The following CADM2 variants were observed in gnomAD, a reference collection of about 807,000 sequenced individuals.
CADM2 encodes immunoglobulin superfamily member 4D.
Under a neutral mutation model 49.8 loss-of-function variants are expected in CADM2, and 12 were observed. The observed-to-expected ratio is 0.24, with a 90% confidence interval of 0.15 to 0.39. CADM2 has a LOEUF of 0.39. Ranked by LOEUF, CADM2 falls within the 10% of genes least tolerant of loss-of-function variation. CADM2 has a pLI of 1.00. For synonymous variants in CADM2, 214 were observed against 175.4 expected (o/e 1.22, Z -1.74); for missense variants, 378 against 492.3 (o/e 0.77, Z 2.20).
chr3:85,321,444 C>T (rs2044610722), intron 1 of CADM2, among the ~76,000 whole-genome samples: 2 of 151,782 alleles, frequency 1.3e-5, no homozygotes, highest in Admixed American at 6.6e-5. Context: ...CTCATCCTCC[C>T]AAAGTGCTGG....
intron 1 of CADM2, among the ~76,000 whole-genome samples, chr3:84,984,374 A>AAAAAC (rs2032419251): frequency 6.8e-6 from 1 of 147,206 alleles, no homozygotes; most frequent in Non-Finnish European, 1.5e-5. Flanking sequence ...AAAAAAAAAA[A>AAAAAC]AAAAAAAAAA....
intron 1 of CADM2, among the ~76,000 whole-genome samples, chr3:85,039,790 C>T (rs1229330505): frequency 2.0e-5 from 3 of 152,150 alleles, no homozygotes; most frequent in African/African-American, 7.2e-5. Flanking sequence ...CCACACTCAA[C>T]ATCAAGAAGC....
chr3:85,011,362 A>G (rs1474930342), intron 1 of CADM2, among the ~76,000 whole-genome samples: 2 of 152,276 alleles, frequency 1.3e-5, no homozygotes, highest in South Asian at 2.1e-4. Context: ...TCCAGCTACA[A>G]TTGGCTTGTA....
intron 1 of CADM2, among the ~76,000 whole-genome samples, chr3:85,126,673 T>C (rs1365227018): frequency 6.6e-6 from 1 of 152,158 alleles, no homozygotes; most frequent in Non-Finnish European, 1.5e-5. Flanking sequence ...GTGTCTTTCT[T>C]TAACTTTTCC....
intron 1 of CADM2, among the ~76,000 whole-genome samples, chr3:85,660,922 A>G (rs2065383115): frequency 1.3e-5 from 2 of 152,080 alleles, no homozygotes; most frequent in Middle Eastern, 3.4e-3. Context: ...TAAAAAAAAA[A>G]AAAACAGAAG....
At position 85,886,132 on chromosome 3, in the gene CADM2, A is replaced by G; in HGVS notation, c.392-58A>G. 3 of 1,598,608 alleles carry G rather than the reference A, an allele frequency of 1.9e-6. No individual in the cohort carries two copies. The Admixed American group carries it at 5.1e-5, about 27-fold the overall frequency. ...AGTTTCATGTGTGAAAGTAATAGAC[A>G]TAATAACAAATCAACCCTGAAGATT... On this transcript the variant is annotated intron_variant, in intron 4 of 9. Coordinates refer to ENST00000383699, the MANE Select transcript of CADM2 (RefSeq NM_001167675.2).
At chr3:85,595,937 A>C (rs1186169026) in intron 1 of CADM2, among the ~76,000 whole-genome samples, 1 of 151,838 alleles carries the variant, frequency 6.6e-6, no homozygotes, top group Non-Finnish European at 1.5e-5. Flanking sequence ...TATGTTGTGC[A>C]TTTTCTGTTA....
intron 1 of CADM2, among the ~76,000 whole-genome samples, chr3:85,321,356 T>C (rs2044608244): frequency 6.6e-6 from 1 of 150,982 alleles, no homozygotes. Flanking sequence ...TATTTATTTT[T>C]GTACTTTTAG....
At chr3:85,046,747 G>A (rs1045491663) in intron 1 of CADM2, among the ~76,000 whole-genome samples, 7 of 151,856 alleles carry the variant, frequency 4.6e-5, no homozygotes, top group Admixed American at 6.6e-5. Flanking sequence ...ATAGACTAAT[G>A]TTTTTAAAAT....
At chr3:85,186,213 G>C (rs1339222937) in intron 1 of CADM2, among the ~76,000 whole-genome samples, 3 of 152,070 alleles carry the variant, frequency 2.0e-5, no homozygotes, top group Non-Finnish European at 4.4e-5. Context: ...TTGCCTTTCA[G>C]GGTGGGAAAT....
At chr3:85,818,002 G>A (rs554559272) in intron 3 of CADM2, among the ~76,000 whole-genome samples, 1 of 152,108 alleles carries the variant, frequency 6.6e-6, no homozygotes, top group South Asian at 2.1e-4. Flanking sequence ...ATCATTTAAG[G>A]TCTTAAGCAG....
chr3:85,817,371 A>G (rs2108162732), intron 3 of CADM2, among the ~76,000 whole-genome samples: 1 of 152,328 alleles, frequency 6.6e-6, no homozygotes, highest in African/African-American at 2.4e-5. Flanking sequence ...AATATATTGC[A>G]TTTGGACTTT....
intron 1 of CADM2, among the ~76,000 whole-genome samples, chr3:85,665,265 G>T (rs2065530934): frequency 6.6e-6 from 1 of 151,688 alleles, no homozygotes; most frequent in Non-Finnish European, 1.5e-5. Context: ...ATACATTTAA[G>T]ATTTTAATTT....
chr3:85,675,240 G>C (rs1422446332), intron 1 of CADM2, among the ~76,000 whole-genome samples: 1 of 151,970 alleles, frequency 6.6e-6, no homozygotes, highest in Admixed American at 6.5e-5. Flanking sequence ...AAGGCTCCAA[G>C]TTTCCATTTT....
intron 1 of CADM2, among the ~76,000 whole-genome samples, chr3:85,410,347 A>C (rs2035598057): frequency 6.6e-6 from 1 of 152,178 alleles, no homozygotes; most frequent in Non-Finnish European, 1.5e-5. Flanking sequence ...ACTATTAGGT[A>C]AATTCACTCT....
chr3:85,713,016 G>A (rs776804438), intron 1 of CADM2, among the ~76,000 whole-genome samples: 28 of 152,156 alleles, frequency 1.8e-4, no homozygotes, highest in South Asian at 1.2e-3. Context: ...TTGAGATGTA[G>A]TCATAGATCT....
intron 3 of CADM2, among the ~76,000 whole-genome samples, chr3:85,806,666 C>T (rs1347797921): frequency 1.3e-5 from 2 of 152,042 alleles, no homozygotes; most frequent in East Asian, 1.9e-4. Flanking sequence ...ACCCAGGAAC[C>T]GGAGGTTGCA....
chr3:85,680,541 C>T (rs910876057), intron 1 of CADM2, among the ~76,000 whole-genome samples: 7 of 152,074 alleles, frequency 4.6e-5, no homozygotes, highest in African/African-American at 1.7e-4. Flanking sequence ...GCTTTATGTG[C>T]TCCATAAGTG....
rs563602654 is a variant in CADM2 at position 85,478,410 on chromosome 3, T to C, written c.62-248112T>C. On this transcript the variant is annotated intron_variant, in intron 1 of 9. Coordinates refer to ENST00000383699, the MANE Select transcript of CADM2 (RefSeq NM_001167675.2). ...TTTTTAAATATTTGAGTAATCTGTCTCTATAGTGTCTCTGAAAACATGAGT... is the reference window on the plus strand; with the variant it reads ...TTTTTAAATATTTGAGTAATCTGTCCCTATAGTGTCTCTGAAAACATGAGT... Among the ~76,000 whole-genome samples the C allele has an allele frequency of 8.4e-4, 127 of 152,062 alleles. 2 individuals are homozygous for C. Among genetic ancestry groups the C allele is most frequent in the Non-Finnish European group, 1.5e-3 (105 of 67,908 alleles).
Sources: allele counts gnomAD v4.1 joint callset (sites outside exome capture counted in the v4.1 genomes callset), GRCh38; gene constraint gnomAD v4.1.1; transcripts MANE v1.5; gene names NCBI Gene and HGNC (gene_info 2026-07-23, HGNC 2026-07-21).